Variants in CDC40 observed in about 807,000 individuals in gnomAD.
The protein encoded by CDC40 is pre-mRNA-processing factor 17.
Under a neutral mutation model 80.6 loss-of-function variants are expected in CDC40, and 27 were observed. The observed-to-expected ratio is 0.33, with a 90% CI of 0.25 to 0.46. The LOEUF (loss-of-function observed/expected upper bound fraction) is 0.46. CDC40 is among the 20% of genes least tolerant of loss of function. CDC40 has a pLI of 1.00. For missense variants in CDC40, 486 were observed against 694.1 expected, an observed-to-expected ratio of 0.70 and a Z score of 3.37; for synonymous variants, 221 against 232.6, an observed-to-expected ratio of 0.95 and a Z score of 0.45.
At chr6:110,189,240 CT>C (rs964179834) in intron 1 of CDC40, among the ~76,000 whole-genome samples, 3 of 151,908 alleles carry the variant, frequency 2.0e-5, no homozygotes, top group East Asian at 1.9e-4. Flanking sequence ...TTGTTAAATT[CT>C]TTTTTTTCAT....
At chr6:110,208,756 C>G (rs1308021015) in intron 4 of CDC40, among the ~76,000 whole-genome samples, 1 of 152,136 alleles carries the variant, frequency 6.6e-6, no homozygotes, top group African/African-American at 2.4e-5. Context: ...TCCACTGACA[C>G]AGCTTTTTGA....
intron 6 of CDC40, 98 bp from the exon 7 acceptor site, chr6:110,212,035 A>G (rs2114664518): frequency 2.0e-6 from 2 of 996,360 alleles, no homozygotes; most frequent in East Asian, 4.8e-5. Flanking sequence ...CTTAATATGG[A>G]ATGATATACC....
At chr6:110,229,061 T>G in intron 14 of CDC40, 85 bp downstream of exon 14, 1 of 1,051,118 alleles carries the variant, frequency 9.5e-7, no homozygotes, top group Non-Finnish European at 1.4e-6. Flanking sequence ...GACACATCAC[T>G]CTCACATAAT....
At chr6:110,198,920 G>A (rs771774413) in intron 2 of CDC40, 1 of 152,150 alleles carries the variant, frequency 6.6e-6, no homozygotes, top group Non-Finnish European at 1.5e-5. Context: ...AACTAAGCGA[G>A]TTGCATATTC....
In CDC40 at chr6:110,230,021, A is replaced by G. The variant is rs373015941; in HGVS notation, c.1630A>G (p.Ser544Gly). 9.9e-6 allele frequency: 16 copies of G among 1,612,480 alleles called. No homozygotes were observed. The highest frequency in any genetic ancestry group is 1.3e-5 in the Non-Finnish European group (15 of 1,178,754). ...GGACTGGAAGACCACAAAACTCTAC[A>G]GTCGATTTAAAGCTCATGATAAAGT... is the stretch of plus-strand genomic sequence containing the variant. Reference protein sequence around the residue: ...IWDWKTTKLYSRFKAHDKVCI... With the variant: ...IWDWKTTKLYGRFKAHDKVCI... Residue 544 changes from serine to glycine, a missense_variant, in exon 15 of 15, where the codon AGT becomes GGT. By Grantham distance (56) the Ser-to-Gly change is moderately conservative (BLOSUM62 0). Transcript: ENST00000307731.
rs1455634559 is a variant in CDC40 at position 110,207,530 on chromosome 6, A to G, written c.431A>G (p.Asp144Gly). The change falls in exon 4 of 15, where the codon GAT (aspartate) becomes GGT (glycine). Residue 144 changes from aspartate to glycine, a missense_variant. This residue lies in a region of CDC40 where 381 missense variants were observed against 492.1 expected (regional missense o/e 0.77). Coordinates refer to ENST00000307731, the MANE Select transcript of CDC40 (RefSeq NM_015891.3). The part of the protein sequence containing the change: ...TYGYALDPSL[D>G]NHQVSAKYIG... The stretch of plus-strand genomic sequence containing the variant: ...GGTTATGCATTAGACCCTTCATTAG[A>G]TAATCATCAAGTGTCTGCTAAATAT... 4 of 1,602,532 alleles carry G rather than the reference A, an allele frequency of 2.5e-6. No homozygotes were observed. Among genetic ancestry groups the G allele is most frequent in the Non-Finnish European group, 3.4e-6 (4 of 1,170,418 alleles).
At chr6:110,226,287 TAC>T (rs1224521204) in intron 13 of CDC40, 44 bp downstream of exon 13, 3 of 1,211,508 alleles carry the variant, frequency 2.5e-6, no homozygotes, top group Non-Finnish European at 3.6e-6. Context: ...GCTTCTAAGA[TAC>T]AGTGTGATTT....
chr6:110,223,276 G>C (rs1330038654), intron 12 of CDC40, among the ~76,000 whole-genome samples: 2 of 152,026 alleles, frequency 1.3e-5, no homozygotes, highest in Non-Finnish European at 2.9e-5. Flanking sequence ...GTAAGAATAG[G>C]GTCTCACTCT....
At chr6:110,209,040 G>A (rs543394340) in intron 4 of CDC40, 44 bp from the exon 5 acceptor site, 13 of 1,154,044 alleles carry the variant, frequency 1.1e-5, no homozygotes, top group Non-Finnish European at 1.5e-5. Context: ...GTACATCTTT[G>A]TAATCTCTCA....
At chr6:110,226,894 T>G (rs765375359) in intron 13 of CDC40, among the ~76,000 whole-genome samples, 18 of 152,086 alleles carry the variant, frequency 1.2e-4, no homozygotes, top group Non-Finnish European at 2.4e-4. Context: ...GTGGTGCACA[T>G]TTGTAGCCCT....
chr6:110,184,292 C>T (rs2114646063), intron 1 of CDC40, among the ~76,000 whole-genome samples: 1 of 152,112 alleles, frequency 6.6e-6, no homozygotes, highest in Admixed American at 6.5e-5. Flanking sequence ...CTGCTAATAC[C>T]CAGTTGGGAT....
chr6:110,219,636 A>C, intron 11 of CDC40, 100 bp from the exon 12 acceptor site: 1 of 1,373,960 alleles, frequency 7.3e-7, no homozygotes, highest in East Asian at 2.3e-5. Context: ...TTATAAAAAT[A>C]TCGTGTTGAA....
At chr6:110,199,506 A>G (rs1286932863) in intron 2 of CDC40, among the ~76,000 whole-genome samples, 1 of 151,592 alleles carries the variant, frequency 6.6e-6, no homozygotes, top group Admixed American at 6.6e-5. Flanking sequence ...AGGCAGGAGA[A>G]TGGTGTGAAC....
chr6:110,184,898 A>T (rs1336693437), intron 1 of CDC40, among the ~76,000 whole-genome samples: 1 of 152,212 alleles, frequency 6.6e-6, no homozygotes, highest in African/African-American at 2.4e-5. Flanking sequence ...ACAAATATAC[A>T]ATTACAGTGA....
In CDC40 at chr6:110,221,426, C is replaced by T. The variant is rs538226888; in HGVS notation, c.1340+1557C>T. Among the ~76,000 whole-genome samples the T allele has an allele frequency of 2.6e-5, 4 of 152,314 alleles. No individual in the cohort carries two copies. In the East Asian group the frequency reaches 7.7e-4, roughly 29 times the overall value. ...TTAATGTAATTTAATTGTAGTTTCT[C>T]CCACACTCACCACCACCACCACTAT... is the stretch of plus-strand genomic sequence containing the variant. On this transcript the variant is annotated intron_variant, in intron 12 of 14. Coordinates refer to ENST00000307731, the MANE Select transcript of CDC40 (RefSeq NM_015891.3).
At chr6:110,197,366 A>G (rs1777431574) in intron 2 of CDC40, among the ~76,000 whole-genome samples, 2 of 152,348 alleles carry the variant, frequency 1.3e-5, no homozygotes, top group Non-Finnish European at 2.9e-5. Flanking sequence ...TTTAATATGT[A>G]TACATTGTAG....
chr6:110,195,232 A>T (rs988656652), intron 2 of CDC40, among the ~76,000 whole-genome samples: 4 of 152,196 alleles, frequency 2.6e-5, no homozygotes, highest in Non-Finnish European at 5.9e-5. Context: ...CTGTATTTTG[A>T]GTATCCATTG....
At chr6:110,188,799 A>ATGG (rs1777307566) in intron 1 of CDC40, among the ~76,000 whole-genome samples, 1 of 152,172 alleles carries the variant, frequency 6.6e-6, no homozygotes, top group Non-Finnish European at 1.5e-5. Flanking sequence ...AGTGGTAGCC[A>ATGG]TAGCAGTTTA....
intron 6 of CDC40, chr6:110,211,455 A>C (rs1375487072): frequency 6.6e-6 from 1 of 152,204 alleles, no homozygotes; most frequent in Non-Finnish European, 1.5e-5. Context: ...GGTTTGATGA[A>C]GCCATATTTG....
Sources: gnomAD v4.1 joint callset for allele counts (sites outside exome capture counted in the v4.1 genomes callset) on GRCh38, gnomAD v4.1.1 for gene constraint, gnomAD v4.1.1 regional missense constraint, MANE v1.5 for transcripts, NCBI Gene and HGNC (gene_info 2026-07-23, HGNC 2026-07-21) for gene names.